Variants in LHFPL3 observed in about 807,000 individuals in gnomAD.
LHFPL3 encodes the protein LHFPL tetraspan subfamily member 3, also known as LHFPL tetraspan subfamily member 3 protein.
Under a neutral mutation model 19.3 loss-of-function variants are expected in LHFPL3, and 5 were observed. That is an observed-to-expected ratio of 0.26 (90% CI 0.14 to 0.54). The LOEUF (loss-of-function observed/expected upper bound fraction) is 0.54, where lower values mean the gene tolerates loss of function less well. LHFPL3 is among the 20% of genes least tolerant of loss of function. The pLI is 0.94. For synonymous variants in LHFPL3, 133 were observed against 126.2 expected (o/e 1.05, Z -0.36); for missense variants, 249 against 307.4 (o/e 0.81, Z 1.42).
At chr7:104,666,412 G>A (rs2116011376) in intron 1 of LHFPL3, among the ~76,000 whole-genome samples, 2 of 150,006 alleles carry the variant, frequency 1.3e-5, no homozygotes, top group African/African-American at 4.9e-5. Flanking sequence ...CCATATATGA[G>A]TGAGAACATG....
At chr7:104,430,393 T>C (rs1285322989) in intron 1 of LHFPL3, among the ~76,000 whole-genome samples, 9 of 47,204 alleles carry the variant, frequency 1.9e-4, no homozygotes, top group Non-Finnish European at 2.0e-4. Flanking sequence ...CATATATATA[T>C]ATATATATAT....
chr7:104,903,771 T>C (rs932186557), intron 2 of LHFPL3, among the ~76,000 whole-genome samples: 1 of 152,208 alleles, frequency 6.6e-6, no homozygotes, highest in Non-Finnish European at 1.5e-5. Flanking sequence ...CAGCCAATTT[T>C]TTATGGCCAC....
chr7:104,839,570 G>A (rs1562810408), intron 2 of LHFPL3, among the ~76,000 whole-genome samples: 1 of 152,074 alleles, frequency 6.6e-6, no homozygotes, highest in Admixed American at 6.5e-5. Context: ...TTGGGAGGCT[G>A]AGGCACAAGA....
At position 104,373,646 on chromosome 7, in the gene LHFPL3, A is replaced by G. The variant is rs184877209; in HGVS notation, c.445+44422A>G. 2.1e-3 allele frequency among the ~76,000 whole-genome samples: 318 copies of G among 151,628 alleles called. 4 individuals are homozygous for G. The highest frequency in any genetic ancestry group is 7.6e-3 in the African/African-American group (316 of 41,418). ...GACAACAGTCAAATACATTTAAGAA[A>G]TACATTGGTTTGGTTCAGAAAGGCG... On this transcript the variant is annotated intron_variant, in intron 1 of 2. Transcript: ENST00000424859.
At chr7:104,754,059 G>A (rs955304225) in intron 2 of LHFPL3, among the ~76,000 whole-genome samples, 5 of 152,156 alleles carry the variant, frequency 3.3e-5, no homozygotes, top group African/African-American at 9.7e-5. Flanking sequence ...ATTCACTAGA[G>A]CATTACTTGT....
chr7:104,711,628 A>G (rs1272364489), intron 1 of LHFPL3, among the ~76,000 whole-genome samples: 7 of 152,240 alleles, frequency 4.6e-5, no homozygotes, highest in Non-Finnish European at 8.8e-5. Flanking sequence ...ATTTAAAAAA[A>G]ACAATGTACA....
At chr7:104,531,530 C>A (rs895533615) in intron 1 of LHFPL3, among the ~76,000 whole-genome samples, 3 of 152,102 alleles carry the variant, frequency 2.0e-5, no homozygotes, top group Admixed American at 6.5e-5. Flanking sequence ...AAAGGCAATT[C>A]TTTTACTGTT....
intron 1 of LHFPL3, among the ~76,000 whole-genome samples, chr7:104,403,034 C>T (rs767433797): frequency 2.6e-5 from 4 of 151,650 alleles, no homozygotes; most frequent in Non-Finnish European, 4.4e-5. Flanking sequence ...GGGAAGTGAA[C>T]ATCACACACC....
intron 1 of LHFPL3, among the ~76,000 whole-genome samples, chr7:104,348,813 G>A (rs907561116): frequency 1.3e-5 from 2 of 152,216 alleles, no homozygotes; most frequent in Admixed American, 6.5e-5. Flanking sequence ...CTAAACAGAT[G>A]AGACTGGCAC....
intron 1 of LHFPL3, among the ~76,000 whole-genome samples, chr7:104,465,734 C>T (rs1229259758): frequency 6.6e-6 from 1 of 152,130 alleles, no homozygotes; most frequent in Non-Finnish European, 1.5e-5. Flanking sequence ...CTGGGTCCCT[C>T]CCATGACATG....
intron 2 of LHFPL3, among the ~76,000 whole-genome samples, chr7:104,763,969 T>C (rs59225509): frequency 0.017 from 2,565 of 152,184 alleles, 77 homozygotes; most frequent in African/African-American, 0.059. Context: ...AATGGAAGAG[T>C]AAAGACATCT....
chr7:104,418,077 T>C (rs1013376409), intron 1 of LHFPL3, among the ~76,000 whole-genome samples: 1 of 152,044 alleles, frequency 6.6e-6, no homozygotes, highest in East Asian at 1.9e-4. Context: ...GGTTTCACCA[T>C]GTTGGTCAGG....
intron 1 of LHFPL3, among the ~76,000 whole-genome samples, chr7:104,513,081 T>A (rs944452370): frequency 6.6e-6 from 1 of 152,192 alleles, no homozygotes; most frequent in African/African-American, 2.4e-5. Context: ...AAATAAAATA[T>A]GTATTAAAAT....
chr7:104,339,310 A>G (rs1789902173), intron 1 of LHFPL3, among the ~76,000 whole-genome samples: 1 of 152,228 alleles, frequency 6.6e-6, no homozygotes, highest in Admixed American at 6.5e-5. Flanking sequence ...ACCACTTGCA[A>G]AAACCTTTAG....
In LHFPL3 at chr7:104,498,399, A is replaced by G. The variant is rs576213843; in HGVS notation, c.445+169175A>G. On this transcript the variant is annotated intron_variant, in intron 1 of 2. Transcript: ENST00000424859. ...TCTAGATATCTTGTCTTCGTGCTCA[A>G]AGAAGAACATTGGGCCAAGAACATT... Among the ~76,000 whole-genome samples the G allele has an allele frequency of 2.0e-5, 3 of 152,292 alleles. 1 individual carries two copies. The highest frequency in any genetic ancestry group is 1.3e-4 in the Admixed American group (2 of 15,294).
chr7:104,518,551 A>G (rs1306111302), intron 1 of LHFPL3, among the ~76,000 whole-genome samples: 1 of 152,190 alleles, frequency 6.6e-6, no homozygotes, highest in Non-Finnish European at 1.5e-5. Flanking sequence ...TGGGAGGCTG[A>G]GGCAGGCAGG....
chr7:104,622,480 G>A (rs1034772612), intron 1 of LHFPL3, among the ~76,000 whole-genome samples: 20 of 152,140 alleles, frequency 1.3e-4, no homozygotes, highest in Middle Eastern at 3.2e-3. Context: ...TGACATATTT[G>A]AAGTGTACAA....
chr7:104,642,034 C>CTTTTTTTTTTTTTTT, intron 1 of LHFPL3, among the ~76,000 whole-genome samples: 1 of 111,964 alleles, frequency 8.9e-6, no homozygotes, highest in South Asian at 3.3e-4. Context: ...TATGTTATTA[C>CTTTTTTTTTTTTTTT]TTTTTTTTTT....
At chr7:104,436,943 A>G (rs1656307403) in intron 1 of LHFPL3, among the ~76,000 whole-genome samples, 1 of 152,204 alleles carries the variant, frequency 6.6e-6, no homozygotes, top group African/African-American at 2.4e-5. Context: ...ACTTTTCATC[A>G]AGAGAAAAAT....
Sources: allele counts gnomAD v4.1 joint callset (sites outside exome capture counted in the v4.1 genomes callset), GRCh38; gene constraint gnomAD v4.1.1; transcripts MANE v1.5; gene names NCBI Gene and HGNC (gene_info 2026-07-23, HGNC 2026-07-21).